The following VPS13B variants were observed in gnomAD, a reference collection of about 807,000 sequenced individuals.
VPS13B encodes intermembrane lipid transfer protein VPS13B.
In VPS13B, 285 loss-of-function variants were observed where a neutral mutation model predicts 426.4. That is an observed-to-expected ratio of 0.67 (90% CI 0.61 to 0.74). The LOEUF (loss-of-function observed/expected upper bound fraction) is 0.74, where lower values mean the gene tolerates loss of function less well. Among genes scored for constraint, VPS13B ranks in the 30% least tolerant of loss-of-function variants. The pLI is 0.00. For missense variants in VPS13B, 4,537 were observed against 4,782.6 expected, an observed-to-expected ratio of 0.95 and a Z score of 1.51; for synonymous variants, 1,676 against 1,676.4, an observed-to-expected ratio of 1.00 and a Z score of 0.01.
At chr8:99,546,256 GT>G (rs915183147) in intron 30 of VPS13B, among the ~76,000 whole-genome samples, 14 of 148,150 alleles carry the variant, frequency 9.4e-5, no homozygotes, top group African/African-American at 2.2e-4. Flanking sequence ...ACATCTAAAG[GT>G]TTTTTTTTTC....
rs550584883 is a variant in VPS13B, at chr8:99,447,489, G to A, written c.3445+4854G>A. On this transcript the variant is annotated intron_variant, in intron 23 of 61. Coordinates refer to ENST00000357162, the MANE Select transcript of VPS13B (RefSeq NM_152564.5). The stretch of plus-strand genomic sequence containing the variant: ...TTTTCTGCACTGTGAGTTAGCTTCA[G>A]GCTTTATCTTCAGTCAGACTTAACT... Among the ~76,000 whole-genome samples the A allele has an allele frequency of 1.1e-4, 16 of 152,278 alleles. No homozygotes were observed. The South Asian group carries it at 3.3e-3, about 32-fold the overall frequency.
intron 21 of VPS13B, among the ~76,000 whole-genome samples, chr8:99,392,780 A>G (rs1295035163): frequency 6.6e-6 from 1 of 152,106 alleles, no homozygotes; most frequent in Non-Finnish European, 1.5e-5. Context: ...ATATGACATT[A>G]ATTATGTTTA....
intron 30 of VPS13B, chr8:99,536,627 G>A (rs181159989): frequency 3.6e-5 from 19 of 534,180 alleles, no homozygotes; most frequent in East Asian, 2.2e-4. Flanking sequence ...TCCTTTAACT[G>A]AATTGACTGT....
chr8:99,153,181 A>G (rs898396696), intron 14 of VPS13B, among the ~76,000 whole-genome samples: 6 of 152,196 alleles, frequency 3.9e-5, no homozygotes, highest in Non-Finnish European at 5.9e-5. Context: ...AAATAAATAC[A>G]TAAGAAAAAT....
rs1229393575 is a variant in VPS13B at position 99,192,953 on chromosome 8, A to T, written c.2411A>T (p.Gln804Leu). Residue 804 changes from glutamine (Q) to leucine (L), a missense_variant, in exon 17 of 62, where the codon CAG becomes CTG. Gln to Leu is a moderately radical substitution (Grantham distance 113, BLOSUM62 -2). This residue lies in a region of VPS13B where 4,311 missense variants were observed against 4,474.3 expected (regional missense o/e 0.96). Transcript: ENST00000357162. ...CTCACAATTCAAGCTACAAGAGCACAGACACTTCTCTTGCAAGCAATATAT... is the reference window on the plus strand; with the variant it reads ...CTCACAATTCAAGCTACAAGAGCACTGACACTTCTCTTGCAAGCAATATAT... ...PNLTIQATRA[Q>L]TLLLQAIYQS... The T allele has an allele frequency of 6.2e-7, 1 of 1,613,714 alleles. No homozygotes were observed.
intron 61 of VPS13B, among the ~76,000 whole-genome samples, chr8:99,872,034 T>C (rs1451997873): frequency 1.3e-5 from 2 of 151,878 alleles, no homozygotes; most frequent in Admixed American, 6.6e-5. Context: ...GACAGGAAAA[T>C]GGAGTTACAA....
intron 39 of VPS13B, among the ~76,000 whole-genome samples, chr8:99,727,323 A>G (rs1833391085): frequency 6.6e-6 from 1 of 152,256 alleles, no homozygotes. Context: ...AATGAGTTAG[A>G]CAAAGATATG....
chr8:99,848,454 A>G (rs1285024115), intron 54 of VPS13B, among the ~76,000 whole-genome samples: 1 of 152,212 alleles, frequency 6.6e-6, no homozygotes, highest in East Asian at 1.9e-4. Flanking sequence ...ATGCACACAT[A>G]TAGTGGGCCC....
In VPS13B at chr8:99,170,039, A is replaced by G. The variant is rs369198846; in HGVS notation, c.2209A>G (p.Ile737Val). The G allele has an allele frequency of 8.1e-6, 13 of 1,612,364 alleles. No homozygotes were observed. Among genetic ancestry groups the G allele is most frequent in the African/African-American group, 1.3e-5 (1 of 74,856 alleles). Residue 737 changes from isoleucine (I) to valine (V), a missense_variant and splice_region_variant, in exon 16 of 62, where the codon ATA (isoleucine) becomes GTA (valine). Physicochemically the swap from Ile to Val is conservative, Grantham distance 29. This residue lies in a region of VPS13B where 4,311 missense variants were observed against 4,474.3 expected (regional missense o/e 0.96). Coordinates refer to ENST00000357162, the MANE Select transcript of VPS13B (RefSeq NM_152564.5). ...HYCYVHCYLK[I>V]FGFQAGLTSL... Reference sequence around the variant, plus strand: ...CTTGCATCTTTTCTTTTTGTTTTAGATATTTGGTTTCCAGGCAGGACTGAC... The same window carrying G: ...CTTGCATCTTTTCTTTTTGTTTTAGGTATTTGGTTTCCAGGCAGGACTGAC...
In VPS13B at chr8:99,463,285, T is replaced by C. The variant is rs548879597; in HGVS notation, c.3446-4129T>C. 1.6e-4 allele frequency among the ~76,000 whole-genome samples: 24 copies of C among 152,348 alleles called. No homozygotes were observed. The South Asian group carries it at 4.8e-3, about 30-fold the overall frequency. On this transcript the variant is annotated intron_variant, in intron 23 of 61. Coordinates refer to ENST00000357162, the MANE Select transcript of VPS13B (RefSeq NM_152564.5). ...AGAGAATCTTAGAGTATTATATTTC[T>C]TTATGAATAATGAAATGTTGACAAA...
At chr8:99,248,905 C>T (rs1364522174) in intron 17 of VPS13B, among the ~76,000 whole-genome samples, 1 of 151,970 alleles carries the variant, frequency 6.6e-6, no homozygotes, top group Non-Finnish European at 1.5e-5. Flanking sequence ...CATTTACATA[C>T]AATCAACTAT....
At chr8:99,757,168 G>A (rs552333135) in intron 39 of VPS13B, among the ~76,000 whole-genome samples, 2 of 152,176 alleles carry the variant, frequency 1.3e-5, no homozygotes, top group Non-Finnish European at 2.9e-5. Flanking sequence ...TTGGCACCCT[G>A]GGAAGTCTAG....
chr8:99,299,364 G>C (rs868826006), intron 19 of VPS13B, among the ~76,000 whole-genome samples: 1 of 151,788 alleles, frequency 6.6e-6, no homozygotes, highest in South Asian at 2.1e-4. Flanking sequence ...ACCCGGCCAA[G>C]TTATTCCACC....
chr8:99,478,236 A>G (rs1338587501), intron 24 of VPS13B, among the ~76,000 whole-genome samples: 2 of 151,656 alleles, frequency 1.3e-5, no homozygotes, highest in South Asian at 2.1e-4. Context: ...TGGGGTTTAT[A>G]TATGTGGAAC....
intron 43 of VPS13B, 141 bp downstream of exon 43, chr8:99,784,617 A>G (rs1348954466): frequency 1.8e-6 from 2 of 1,125,206 alleles, no homozygotes; most frequent in East Asian, 4.8e-5. Flanking sequence ...CGGAAACCCA[A>G]GAGTGTTTAG....
At position 99,431,568 on chromosome 8, in the gene VPS13B, C is replaced by G; in HGVS notation, c.3114C>G (p.Ala1038=). 6.2e-7 allele frequency: 1 copy of G among 1,613,358 alleles called. No homozygotes were observed. Among genetic ancestry groups the G allele is most frequent in the Non-Finnish European group, 8.5e-7 (1 of 1,179,714 alleles). Residue 1038 remains alanine (A), a synonymous_variant, in exon 22 of 62, where the codon GCC becomes GCG. Transcript: ENST00000357162. ...GCCCATTGTCAGTTCCTGTTAAAGC[C>G]ATGTTGAATATATCTGAAAGCTGTA... ...ESRPLSVPVK[A]MLNISESCRS...
In VPS13B at chr8:99,594,593, T is replaced by C. The variant is rs4735623; in HGVS notation, c.5220+16960T>C. ...TATTGCTTAATGTTTTTGAGCTTGA[T>C]TGGATAAAAGAATGATGTAATATTA... On this transcript the variant is annotated intron_variant, in intron 33 of 61. Transcript: ENST00000357162. Among the ~76,000 whole-genome samples, 729 of 152,076 alleles carry C rather than the reference T, an allele frequency of 4.8e-3. 5 individuals carry two copies. Among genetic ancestry groups the C allele is most frequent in the African/African-American group, 0.014 (601 of 41,508 alleles).
intron 14 of VPS13B, among the ~76,000 whole-genome samples, 185 bp from the exon 15 acceptor site, chr8:99,156,364 A>T (rs1478897672): frequency 6.6e-6 from 1 of 152,230 alleles, no homozygotes; most frequent in East Asian, 1.9e-4. Flanking sequence ...AGTCTGGGAC[A>T]TATTTAAAAT....
At chr8:99,512,614 A>C (rs1223163368) in intron 29 of VPS13B, among the ~76,000 whole-genome samples, 1 of 152,234 alleles carries the variant, frequency 6.6e-6, no homozygotes. Context: ...ATTACAACTG[A>C]GAATGGGAGG....
Sources: allele counts gnomAD v4.1 joint callset (sites outside exome capture counted in the v4.1 genomes callset), GRCh38; gene constraint gnomAD v4.1.1; regional missense constraint gnomAD v4.1.1; transcripts MANE v1.5; gene names NCBI Gene and HGNC (gene_info 2026-07-23, HGNC 2026-07-21).